Variants in ITGA2 observed in about 807,000 individuals in gnomAD.
ITGA2 encodes the protein integrin subunit alpha 2.
Under a neutral mutation model 146.3 loss-of-function variants are expected in ITGA2, and 101 were observed. That is an observed-to-expected ratio of 0.69 (90% CI 0.59 to 0.81). ITGA2 has a LOEUF of 0.81. Among genes scored for constraint, ITGA2 ranks in the 40% least tolerant of loss-of-function variants. The probability of loss-of-function intolerance (pLI) is 0.00; values close to 1 mark genes in which losing one functional copy is unlikely to be tolerated. For synonymous variants in ITGA2, 477 were observed against 487.1 expected, an observed-to-expected ratio of 0.98 and a Z score of 0.27; for missense variants, 1,281 against 1,402.7, an observed-to-expected ratio of 0.91 and a Z score of 1.39.
At chr5:53,070,849 C>G (rs1016486216) in intron 17 of ITGA2, among the ~76,000 whole-genome samples, 1 of 151,782 alleles carries the variant, frequency 6.6e-6, no homozygotes, top group Non-Finnish European at 1.5e-5. Context: ...CCTTGGAAAC[C>G]ACATAATGGC....
At chr5:53,083,005 G>C (rs1745998244) in intron 26 of ITGA2, among the ~76,000 whole-genome samples, 2 of 136,228 alleles carry the variant, frequency 1.5e-5, no homozygotes, top group South Asian at 4.7e-4. Flanking sequence ...AGTTTTGGGG[G>C]GGGTTGGTTT....
chr5:53,050,597 G>C (rs1206518395), intron 6 of ITGA2, among the ~76,000 whole-genome samples: 2 of 152,130 alleles, frequency 1.3e-5, no homozygotes, highest in African/African-American at 4.8e-5. Flanking sequence ...CTGTATTTCA[G>C]AGAGCCTCTT....
At position 53,048,417 on chromosome 5, in the gene ITGA2, G is replaced by A. The variant is rs1744193981; in HGVS notation, c.442G>A (p.Val148Met). The change falls in exon 5 of 30, where the codon GTG becomes ATG. Residue 148 changes from valine (V) to methionine (M), a missense_variant. Val to Met is a conservative substitution (Grantham distance 21). Around this residue, in one of 3 missense-constraint regions of ITGA2, gnomAD observed 795 missense variants for 841.7 expected, o/e 0.94. Coordinates refer to ENST00000296585, the MANE Select transcript of ITGA2 (RefSeq NM_002203.4). ...TGGGAATCAGTATTACACAACGGGT[G>A]TGTGTTCTGACATCAGTCCTGATTT... The part of the protein sequence containing the change: ...QCGNQYYTTG[V>M]CSDISPDFQL... 6 of 1,614,156 alleles carry A rather than the reference G, an allele frequency of 3.7e-6. No homozygotes were observed. The South Asian group carries it at 6.6e-5, about 18-fold the overall frequency.
intron 4 of ITGA2, among the ~76,000 whole-genome samples, chr5:53,045,982 G>C (rs190630494): frequency 6.6e-6 from 1 of 152,050 alleles, no homozygotes; most frequent in African/African-American, 2.4e-5. Context: ...CATGTGGTCA[G>C]GATTTCGAGA....
chr5:53,069,973 A>G, intron 16 of ITGA2, 136 bp from the exon 17 acceptor site: 1 of 704,816 alleles, frequency 1.4e-6, no homozygotes, highest in Non-Finnish European at 2.5e-6. Context: ...TATGGTTCAC[A>G]AGCCACCAAT....
intron 1 of ITGA2, among the ~76,000 whole-genome samples, chr5:53,004,625 G>A (rs1052135458): frequency 1.3e-5 from 2 of 152,052 alleles, no homozygotes; most frequent in Middle Eastern, 3.2e-3. Context: ...GAGAATAGTA[G>A]CACCTAGATC....
chr5:53,067,251 C>G lies in ITGA2; in HGVS notation c.2077C>G (p.Gln693Glu). 1 of 1,611,392 alleles carries G rather than the reference C, an allele frequency of 6.2e-7. No individual in the cohort carries two copies. Among genetic ancestry groups the G allele is most frequent in the South Asian group, 1.1e-5 (1 of 91,032 alleles). Residue 693 changes from glutamine to glutamate, a missense_variant, in exon 16 of 30, where the codon CAA becomes GAA. Coordinates refer to ENST00000296585, the MANE Select transcript of ITGA2 (RefSeq NM_002203.4). ...AKFRPTKQNN[Q>E]VAIVYNITLD... ...GTTCAGACCTACTAAGCAAAACAAT[C>G]AAGTGGGTGCGTAGATCTGAAATAA... is the stretch of plus-strand genomic sequence containing the variant.
intron 16 of ITGA2, among the ~76,000 whole-genome samples, chr5:53,067,770 A>G (rs149633750): frequency 6.6e-6 from 1 of 151,960 alleles, no homozygotes; most frequent in Non-Finnish European, 1.5e-5. Context: ...CAGAGAAATG[A>G]GTAAAAGTCT....
intron 4 of ITGA2, among the ~76,000 whole-genome samples, chr5:53,046,395 G>A (rs1161194069): frequency 6.6e-6 from 1 of 151,904 alleles, no homozygotes; most frequent in Non-Finnish European, 1.5e-5. Flanking sequence ...CTGCCAGTAA[G>A]TGAATTAGAT....
intron 1 of ITGA2, among the ~76,000 whole-genome samples, chr5:53,019,334 A>G (rs1332118193): frequency 6.6e-6 from 1 of 152,172 alleles, no homozygotes; most frequent in Non-Finnish European, 1.5e-5. Context: ...AAATTTCAAA[A>G]GTAAATAAGT....
intron 2 of ITGA2, among the ~76,000 whole-genome samples, chr5:53,037,205 A>G (rs918131167): frequency 3.9e-5 from 6 of 152,236 alleles, no homozygotes; most frequent in Admixed American, 6.5e-5. Flanking sequence ...TTGAAAGTCT[A>G]CATAATCACT....
At chr5:53,060,800 A>G (rs1041983194) in intron 11 of ITGA2, 101 bp from the exon 12 acceptor site, 2 of 1,142,236 alleles carry the variant, frequency 1.8e-6, no homozygotes, top group African/African-American at 1.5e-5. Flanking sequence ...TTTGCATCAC[A>G]TCTAACACAA....
intron 24 of ITGA2, among the ~76,000 whole-genome samples, chr5:53,079,321 AATT>A (rs1249082099): frequency 3.9e-5 from 6 of 152,102 alleles, no homozygotes; most frequent in Non-Finnish European, 8.8e-5. Flanking sequence ...TTTGGCATAT[AATT>A]ATTATGCCAA....
At chr5:53,009,258 A>G (rs1742007041) in intron 1 of ITGA2, among the ~76,000 whole-genome samples, 1 of 152,122 alleles carries the variant, frequency 6.6e-6, no homozygotes, top group Admixed American at 6.5e-5. Flanking sequence ...TCTCCCCCAA[A>G]TATGTCTCTA....
Position 53,048,790 on chromosome 5 carries a change from A to G in ITGA2, c.630+20A>G, listed in dbSNP as rs748198087. The G allele has an allele frequency of 1.4e-5, 22 of 1,612,948 alleles. No individual in the cohort carries two copies. The highest frequency in any genetic ancestry group is 1.9e-5 in the Non-Finnish European group (22 of 1,179,070). ...ACACAGGTATGGCTAACAGAAATGC[A>G]TAACTAACTTATGGCTTTCTTTCTG... On this transcript the variant is annotated intron_variant, in intron 6 of 29. Transcript: ENST00000296585.
rs749326572 is a variant in ITGA2, at chr5:53,078,791, T to C, written c.2845T>C (p.Tyr949His). 9 of 1,608,848 alleles carry C rather than the reference T, an allele frequency of 5.6e-6. No individual in the cohort carries two copies. In the East Asian group the frequency reaches 1.6e-4, roughly 28 times the overall value. The change falls in exon 24 of 30, where the codon TAT (tyrosine) becomes CAT (histidine). Residue 949 changes from tyrosine to histidine, a missense_variant. By Grantham distance (83) the Tyr-to-His change is moderately conservative. Around this residue, in one of 3 missense-constraint regions of ITGA2, gnomAD observed 475 missense variants for 530.5 expected, o/e 0.90. Coordinates refer to ENST00000296585, the MANE Select transcript of ITGA2 (RefSeq NM_002203.4). ...CAACAGATCTACCAACATAAATTTT[T>C]ATGAAATCTCTTCGGATGGGAATGT... ...HLTRSTNINF[Y>H]EISSDGNVPS...
chr5:53,050,923 T>G (rs766976889), intron 6 of ITGA2, among the ~76,000 whole-genome samples: 2 of 152,170 alleles, frequency 1.3e-5, no homozygotes, highest in African/African-American at 2.4e-5. Flanking sequence ...CTACGCTGAT[T>G]AGGAGCACAT....
At chr5:52,995,285 T>A (rs1741180900) in intron 1 of ITGA2, among the ~76,000 whole-genome samples, 2 of 152,140 alleles carry the variant, frequency 1.3e-5, no homozygotes, top group African/African-American at 4.8e-5. Context: ...CATGATCAGA[T>A]GAGGAGAGTG....
intron 2 of ITGA2, 62 bp downstream of exon 2, chr5:53,026,930 T>G: frequency 6.8e-7 from 1 of 1,466,012 alleles, no homozygotes. Flanking sequence ...ATATTTGACT[T>G]CAATTGCTTT....
Sources: allele counts gnomAD v4.1 joint callset (sites outside exome capture counted in the v4.1 genomes callset), GRCh38; gene constraint gnomAD v4.1.1; regional missense constraint gnomAD v4.1.1; transcripts MANE v1.5; gene names NCBI Gene and HGNC (gene_info 2026-07-23, HGNC 2026-07-21).